NCKAP5: variants seen among roughly 807,000 people sequenced by gnomAD.
NCKAP5 encodes the protein nck-associated protein 5.
Under a neutral mutation model 167.0 loss-of-function variants are expected in NCKAP5, and 92 were observed. The ratio of observed to expected loss-of-function variants is 0.55; its 90% CI spans 0.47 to 0.66. The LOEUF is 0.66. NCKAP5 is among the 30% of genes least tolerant of loss of function. The pLI is 0.00. For missense variants in NCKAP5, 2,378 were observed against 2,315.0 expected (o/e 1.03, Z -0.56); for synonymous variants, 891 against 877.4 (o/e 1.02, Z -0.27).
At chr2:133,275,203 G>A (rs1197212510) in intron 4 of NCKAP5, among the ~76,000 whole-genome samples, 4 of 151,998 alleles carry the variant, frequency 2.6e-5, no homozygotes, top group Non-Finnish European at 5.9e-5. Context: ...AAACAACAAT[G>A]AGGTAGCATT....
intron 6 of NCKAP5, among the ~76,000 whole-genome samples, chr2:133,010,351 G>A (rs998375718): frequency 6.6e-6 from 1 of 152,134 alleles, no homozygotes; most frequent in Non-Finnish European, 1.5e-5. Context: ...AAGCATTATA[G>A]ATCATTGTCA....
intron 8 of NCKAP5, among the ~76,000 whole-genome samples, chr2:132,949,724 T>C (rs1480826413): frequency 6.6e-6 from 1 of 152,148 alleles, no homozygotes; most frequent in Non-Finnish European, 1.5e-5. Flanking sequence ...CCAAACCATG[T>C]GTCGCTAAAA....
chr2:133,192,391 A>G (rs982620013), intron 5 of NCKAP5, among the ~76,000 whole-genome samples: 1 of 152,066 alleles, frequency 6.6e-6, no homozygotes, highest in South Asian at 2.1e-4. Flanking sequence ...ACAAATCCAT[A>G]AAAGGGAAAA....
At chr2:133,121,001 T>A (rs4953873) in intron 6 of NCKAP5, among the ~76,000 whole-genome samples, 38,469 of 151,924 alleles carry the variant, frequency 0.25, 5,717 homozygotes, top group East Asian at 0.55. Flanking sequence ...TATTGGTGAT[T>A]GTATAAGAGA....
At chr2:133,167,498 G>T (rs1192978288) in intron 5 of NCKAP5, among the ~76,000 whole-genome samples, 3 of 152,154 alleles carry the variant, frequency 2.0e-5, no homozygotes, top group Non-Finnish European at 2.9e-5. Flanking sequence ...ATACATGGTA[G>T]ATAGGAAAGA....
chr2:133,250,091 A>C (rs1346007962), intron 4 of NCKAP5, among the ~76,000 whole-genome samples: 1 of 151,512 alleles, frequency 6.6e-6, no homozygotes, highest in Non-Finnish European at 1.5e-5. Flanking sequence ...GAAATCTGAA[A>C]ACATCAGGAT....
At chr2:133,529,922 T>C (rs945517774) in intron 2 of NCKAP5, among the ~76,000 whole-genome samples, 3 of 152,184 alleles carry the variant, frequency 2.0e-5, no homozygotes, top group African/African-American at 7.2e-5. Context: ...TAACTCCTTA[T>C]TAAGAGACAT....
intron 19 of NCKAP5, among the ~76,000 whole-genome samples, chr2:132,713,715 A>AGG (rs1689087326): frequency 8.3e-5 from 12 of 144,678 alleles, no homozygotes; most frequent in South Asian, 2.1e-4. Context: ...GGGCCAAACA[A>AGG]AAAAAAAAAG....
At chr2:133,575,259 A>T in the NCKAP5 span, among the ~76,000 whole-genome samples, 1 of 152,216 alleles carries the variant, frequency 6.6e-6, no homozygotes, top group Non-Finnish European at 1.5e-5. Context: ...TTACACCTTA[A>T]AGAAATCCAG....
At chr2:133,522,604 G>A (rs953744320) in intron 2 of NCKAP5, among the ~76,000 whole-genome samples, 1 of 152,146 alleles carries the variant, frequency 6.6e-6, no homozygotes, top group Non-Finnish European at 1.5e-5. Context: ...TTTGTTGCTT[G>A]CATAAATAAA....
intron 4 of NCKAP5, among the ~76,000 whole-genome samples, chr2:133,246,322 A>G (rs1226534759): frequency 6.6e-6 from 1 of 152,228 alleles, no homozygotes; most frequent in Admixed American, 6.5e-5. Context: ...CTTGTTAAAA[A>G]TATGTATCCC....
chr2:132,994,781 T>C (rs2077545248), intron 6 of NCKAP5, among the ~76,000 whole-genome samples: 1 of 152,210 alleles, frequency 6.6e-6, no homozygotes, highest in African/African-American at 2.4e-5. Context: ...GGTGATTTTG[T>C]CATTTTGCAA....
chr2:132,900,569 G>A (rs773038332), intron 8 of NCKAP5, among the ~76,000 whole-genome samples: 20 of 152,038 alleles, frequency 1.3e-4, no homozygotes, highest in Non-Finnish European at 2.6e-4. Flanking sequence ...TCAACTTCAT[G>A]AATAAATTTT....
At chr2:132,965,864 C>T (rs114012544) in intron 7 of NCKAP5, among the ~76,000 whole-genome samples, 1,779 of 151,526 alleles carry the variant, frequency 0.012, 25 homozygotes, top group African/African-American at 0.04. Flanking sequence ...TATAATCTTA[C>T]GAGACCACCA....
At chr2:132,860,433 A>G (rs2148712661) in intron 11 of NCKAP5, 59 bp downstream of exon 11, 1 of 1,536,464 alleles carries the variant, frequency 6.5e-7, no homozygotes, top group Non-Finnish European at 8.8e-7. Context: ...TCTGAACTTA[A>G]GTAACTTCCT....
At chr2:132,939,216 C>T (rs1558966225) in intron 8 of NCKAP5, among the ~76,000 whole-genome samples, 1 of 152,204 alleles carries the variant, frequency 6.6e-6, no homozygotes. Context: ...AAACTAAACA[C>T]ATCTTGACAT....
chr2:133,260,420 GATCA>G (rs946458703), intron 4 of NCKAP5, among the ~76,000 whole-genome samples: 2 of 152,270 alleles, frequency 1.3e-5, no homozygotes, highest in Admixed American at 1.3e-4. Flanking sequence ...GGGTTATACA[GATCA>G]ATCAATGCCT....
At chr2:132,757,053 C>G (rs1339449012) in intron 16 of NCKAP5, among the ~76,000 whole-genome samples, 1 of 152,170 alleles carries the variant, frequency 6.6e-6, no homozygotes, top group Non-Finnish European at 1.5e-5. Flanking sequence ...TGATTCAATG[C>G]TCCTGGCTTG....
chr2:132,787,873 C>A (rs192212388), intron 13 of NCKAP5, among the ~76,000 whole-genome samples: 1 of 152,128 alleles, frequency 6.6e-6, no homozygotes, highest in African/African-American at 2.4e-5. Flanking sequence ...AAGTACCCCA[C>A]AAGAGCTTGA....
Sources: gnomAD v4.1 joint callset for allele counts (sites outside exome capture counted in the v4.1 genomes callset) on GRCh38, gnomAD v4.1.1 for gene constraint, MANE v1.5 for transcripts, NCBI Gene and HGNC (gene_info 2026-07-23, HGNC 2026-07-21) for gene names.